The following UBASH3A variants were observed in gnomAD, a reference collection of about 807,000 sequenced individuals.
The protein encoded by UBASH3A is ubiquitin associated and SH3 domain containing A.
Under a neutral mutation model 73.5 loss-of-function variants are expected in UBASH3A, and 63 were observed. The observed-to-expected ratio is 0.86, with a 90% CI of 0.70 to 1.06. The LOEUF (loss-of-function observed/expected upper bound fraction) is 1.06, where lower values mean the gene tolerates loss of function less well. Among genes scored for constraint, UBASH3A ranks in the 50% least tolerant of loss-of-function variants. UBASH3A has a pLI of 0.00. For missense variants in UBASH3A, 860 were observed against 859.0 expected (o/e 1.00, Z -0.02); for synonymous variants, 363 against 351.1 (o/e 1.03, Z -0.38).
intron 8 of UBASH3A, among the ~76,000 whole-genome samples, chr21:42,427,556 C>T (rs908502401): frequency 2.6e-5 from 4 of 152,208 alleles, no homozygotes; most frequent in South Asian, 2.1e-4. Flanking sequence ...ACACAGGAGG[C>T]GCTATTCCTG....
At chr21:42,444,190 C>A (rs73372286) in intron 13 of UBASH3A, among the ~76,000 whole-genome samples, 1,761 of 152,278 alleles carry the variant, frequency 0.012, 38 homozygotes, top group African/African-American at 0.04. Context: ...ACCGGCTGAC[C>A]TTTCTAAAGT....
intron 2 of UBASH3A, 27 bp from the exon 3 acceptor site, chr21:42,409,395 G>T: frequency 4.6e-6 from 7 of 1,521,290 alleles, no homozygotes; most frequent in Non-Finnish European, 6.2e-6. Context: ...GTGACAGTGG[G>T]TGATGCCGGC....
At chr21:42,442,055 A>C (rs912948698) in intron 11 of UBASH3A, among the ~76,000 whole-genome samples, 8 of 152,050 alleles carry the variant, frequency 5.3e-5, no homozygotes, top group African/African-American at 1.9e-4. Flanking sequence ...ATTCTTCATG[A>C]TGGGTCACAT....
At chr21:42,439,032 C>T (rs1018432617) in intron 11 of UBASH3A, among the ~76,000 whole-genome samples, 2 of 152,104 alleles carry the variant, frequency 1.3e-5, no homozygotes, top group South Asian at 4.1e-4. Context: ...TGTGCATTGC[C>T]GGTTCCCATG....
chr21:42,426,766 C>G lies in UBASH3A; in HGVS notation c.1116C>G (p.Ser372Arg), dbSNP rs114414145. The G allele has an allele frequency of 6.2e-5, 100 of 1,614,160 alleles. No homozygotes were observed. The African/African-American group carries it at 1.1e-3, about 19-fold the overall frequency. ...ATGGTGAAGCCAGCAGCAGATGCAG[C>G]GGGGAATTTCTTCCACAAACGGCAA... is the stretch of plus-strand genomic sequence containing the variant. ...RKDGEASSRC[S>R]GEFLPQTARS... Residue 372 changes from serine to arginine, a missense_variant, in exon 8 of 15, where the codon AGC (serine) becomes AGG (arginine). Ser to Arg is a moderately radical substitution (Grantham distance 110). Coordinates refer to ENST00000319294, the MANE Select transcript of UBASH3A (RefSeq NM_018961.4).
intron 3 of UBASH3A, chr21:42,410,445 G>A: frequency 2.0e-6 from 1 of 490,310 alleles, no homozygotes; most frequent in Non-Finnish European, 3.6e-6. Context: ...GGTGCTGGAT[G>A]GAAAGGAGGA....
intron 8 of UBASH3A, among the ~76,000 whole-genome samples, chr21:42,431,108 G>C (rs189695735): frequency 8.5e-5 from 13 of 152,320 alleles, no homozygotes; most frequent in Admixed American, 2.0e-4. Flanking sequence ...CTGGTCCCAG[G>C]GGGGGCATCC....
chr21:42,419,621 T>C (rs9980448), intron 7 of UBASH3A, among the ~76,000 whole-genome samples: 65,213 of 152,148 alleles, frequency 0.43, 14,393 homozygotes, highest in African/African-American at 0.51. Flanking sequence ...CTTTCTCTGC[T>C]GTGCTACTCA....
chr21:42,443,384 C>G lies in UBASH3A; in HGVS notation c.1704C>G (p.Ser568Arg). The G allele has an allele frequency of 6.2e-7, 1 of 1,612,930 alleles. No homozygotes were observed. The highest frequency in any genetic ancestry group is 1.1e-5 in the South Asian group (1 of 90,812). The change falls in exon 13 of 15, where the codon AGC (serine) becomes AGG (arginine). Residue 568 changes from serine (S) to arginine (R), a missense_variant. Ser to Arg is a moderately radical substitution (Grantham distance 110). Transcript: ENST00000319294. ...AGTACATGGACAGGTGCACGGCGAG[C>G]ATGGTGCAAATCGTCAACACCTGTC... ...YQEYMDRCTA[S>R]MVQIVNTCPQ...
rs148149121 is a variant in UBASH3A at position 42,447,180 on chromosome 21, A to G, written c.1972A>G (p.Ile658Val). The change falls in exon 15 of 15, where the codon ATC (isoleucine) becomes GTC (valine). Residue 658 changes from isoleucine to valine, a missense_variant. Coordinates refer to ENST00000319294, the MANE Select transcript of UBASH3A (RefSeq NM_018961.4). ...ANAAFNWRNW[I>V]SGN ...CGCAGCATTTAACTGGAGGAACTGG[A>G]TCTCAGGCAACTGAGAGCCACGGTG... The G allele has an allele frequency of 4.3e-3, 6,865 of 1,613,956 alleles. 49 individuals are homozygous for G. Among genetic ancestry groups the G allele is most frequent in the Middle Eastern group, 0.015 (90 of 6,060 alleles).
At chr21:42,407,655 C>T (rs940730861) in intron 2 of UBASH3A, among the ~76,000 whole-genome samples, 7 of 152,132 alleles carry the variant, frequency 4.6e-5, no homozygotes, top group Non-Finnish European at 1.0e-4. Context: ...GTGAGGGAAG[C>T]AGGGCCTCAC....
At chr21:42,443,023 G>C in intron 12 of UBASH3A, 2 of 864,314 alleles carry the variant, frequency 2.3e-6, no homozygotes, top group Non-Finnish European at 3.2e-6. Flanking sequence ...AGGTTCAGAG[G>C]AGCTGGACTG....
chr21:42,424,233 T>G (rs1354980682), intron 7 of UBASH3A, among the ~76,000 whole-genome samples: 2 of 151,960 alleles, frequency 1.3e-5, no homozygotes, highest in African/African-American at 4.8e-5. Flanking sequence ...GAAACAGACC[T>G]GCAGGCGCAC....
intron 11 of UBASH3A, among the ~76,000 whole-genome samples, chr21:42,440,077 G>T (rs886838265): frequency 4.0e-5 from 6 of 151,796 alleles, no homozygotes; most frequent in South Asian, 2.1e-4. Context: ...TGGGGGCTGA[G>T]TCACAGACCG....
chr21:42,430,278 A>G (rs752733283), intron 8 of UBASH3A, among the ~76,000 whole-genome samples: 1 of 152,230 alleles, frequency 6.6e-6, no homozygotes, highest in Non-Finnish European at 1.5e-5. Context: ...AGGAATGATC[A>G]GCTGCACTGG....
At chr21:42,405,993 G>C (rs998896082) in intron 1 of UBASH3A, among the ~76,000 whole-genome samples, 11 of 150,310 alleles carry the variant, frequency 7.3e-5, no homozygotes, top group Middle Eastern at 3.4e-3. Context: ...TGGGGGGGGG[G>C]GGGGCAGGCC....
At chr21:42,411,069 GCATA>G (rs1601559273) in intron 3 of UBASH3A, among the ~76,000 whole-genome samples, 2 of 130,476 alleles carry the variant, frequency 1.5e-5, no homozygotes, top group East Asian at 4.5e-4. Context: ...ACACATACAT[GCATA>G]CAGACACACA....
chr21:42,412,243 GCTGTCGGGCCAGCAC>G (rs2146504952), intron 3 of UBASH3A, among the ~76,000 whole-genome samples: 2 of 152,288 alleles, frequency 1.3e-5, no homozygotes, highest in South Asian at 4.1e-4. Flanking sequence ...CGTGGGCAAG[GCTGTCGGGCCAGCAC>G]CTGTCGGGCT....
chr21:42,419,244 T>G (rs1331600083), intron 7 of UBASH3A, among the ~76,000 whole-genome samples: 1 of 152,232 alleles, frequency 6.6e-6, no homozygotes, highest in African/African-American at 2.4e-5. Flanking sequence ...CTCTTAATTT[T>G]AGCACCTTTT....
Sources: gnomAD v4.1 joint callset for allele counts (sites outside exome capture counted in the v4.1 genomes callset) on GRCh38, gnomAD v4.1.1 for gene constraint, MANE v1.5 for transcripts, NCBI Gene and HGNC (gene_info 2026-07-23, HGNC 2026-07-21) for gene names.